The following GRB14 variants were observed in gnomAD, a reference collection of about 807,000 sequenced individuals.
GRB14 encodes the protein growth factor receptor-bound protein 14.
In GRB14, 38 loss-of-function variants were observed where a neutral mutation model predicts 69.1. The observed-to-expected ratio is 0.55, with a 90% confidence interval of 0.42 to 0.72. GRB14 has a LOEUF of 0.72. Among genes scored for constraint, GRB14 ranks in the 30% least tolerant of loss-of-function variants. GRB14 has a pLI of 0.00. For synonymous variants in GRB14, 247 were observed against 241.3 expected (o/e 1.02, Z -0.22); for missense variants, 666 against 666.1 (o/e 1.00, Z 0.00).
rs192460493 is a variant in GRB14 at position 164,553,207 on chromosome 2, A to T, written c.325-5391T>A. ...CTGAAGGCTAAACCAATTTTTTTTA[A>T]AAAAGGGCTAGAAAAGAGCAAGAGG... On this transcript the variant is annotated intron_variant, in intron 2 of 13. Transcript: ENST00000263915. 1.4e-3 allele frequency among the ~76,000 whole-genome samples: 218 copies of T among 152,116 alleles called. 5 individuals are homozygous for T. The East Asian group carries it at 0.033, about 23-fold the overall frequency.
chr2:164,618,208 G>C (rs1211339389), intron 2 of GRB14, among the ~76,000 whole-genome samples: 1 of 151,734 alleles, frequency 6.6e-6, no homozygotes, highest in African/African-American at 2.4e-5. Context: ...TTCGTGATCT[G>C]CCCGCCTCAG....
At chr2:164,524,816 T>TA (rs1048326333) in intron 5 of GRB14, among the ~76,000 whole-genome samples, 188 bp downstream of exon 5, 1 of 152,040 alleles carries the variant, frequency 6.6e-6, no homozygotes, top group African/African-American at 2.4e-5. Flanking sequence ...AGAATATTGT[T>TA]AAAGAGCTTT....
chr2:164,522,610 G>A (rs954117503), intron 5 of GRB14, among the ~76,000 whole-genome samples: 2 of 152,096 alleles, frequency 1.3e-5, no homozygotes, highest in Non-Finnish European at 2.9e-5. Flanking sequence ...CCACAATCCT[G>A]ACTTCAATTG....
chr2:164,578,491 C>CA (rs1457069608), intron 2 of GRB14, among the ~76,000 whole-genome samples: 1 of 144,870 alleles, frequency 6.9e-6, no homozygotes, highest in Non-Finnish European at 1.5e-5. Context: ...GAAAAATGAA[C>CA]AAAAAAAAGG....
chr2:164,529,528 G>T (rs183869855), intron 3 of GRB14, among the ~76,000 whole-genome samples: 1 of 151,740 alleles, frequency 6.6e-6, no homozygotes, highest in African/African-American at 2.4e-5. Flanking sequence ...ACCACATTCC[G>T]TCAAAAAAAG....
intron 6 of GRB14, among the ~76,000 whole-genome samples, chr2:164,520,330 T>C (rs770860188): frequency 2.0e-4 from 30 of 152,060 alleles, no homozygotes; most frequent in Admixed American, 6.6e-4. Flanking sequence ...TGGATCCTTA[T>C]CTCTGACCTT....
chr2:164,612,826 T>C (rs1397858289), intron 2 of GRB14, among the ~76,000 whole-genome samples: 1 of 152,154 alleles, frequency 6.6e-6, no homozygotes, highest in African/African-American at 2.4e-5. Context: ...AAAACCCATA[T>C]TGTAGATAAA....
chr2:164,521,249 G>A (rs1343492121), intron 6 of GRB14, among the ~76,000 whole-genome samples: 3 of 152,088 alleles, frequency 2.0e-5, no homozygotes, highest in African/African-American at 4.8e-5. Context: ...ATTATCCTAC[G>A]CGAAGTAACT....
chr2:164,598,804 G>A (rs1377732354), intron 2 of GRB14, among the ~76,000 whole-genome samples: 2 of 152,094 alleles, frequency 1.3e-5, no homozygotes, highest in Non-Finnish European at 2.9e-5. Flanking sequence ...CCTATAAATG[G>A]ATGTGGTTAA....
At chr2:164,518,777 G>C (rs1252911448) in intron 6 of GRB14, among the ~76,000 whole-genome samples, 1 of 151,846 alleles carries the variant, frequency 6.6e-6, no homozygotes, top group South Asian at 2.1e-4. Context: ...TAGAGAACAT[G>C]GATAAATTTC....
chr2:164,580,391 C>T (rs1419494548), intron 2 of GRB14, among the ~76,000 whole-genome samples: 1 of 151,412 alleles, frequency 6.6e-6, no homozygotes. Flanking sequence ...CCATGCCCAG[C>T]CTTATGATAC....
At position 164,493,170 on chromosome 2, in the gene GRB14, C is replaced by G; in HGVS notation, c.1489G>C (p.Gly497Arg). 1 of 1,612,000 alleles carries G rather than the reference C, an allele frequency of 6.2e-7. No individual in the cohort carries two copies. The highest frequency in any genetic ancestry group is 8.5e-7 in the Non-Finnish European group (1 of 1,179,018). Residue 497 changes from glycine (G) to arginine (R), a missense_variant, in exon 14 of 14, where the codon GGT becomes CGT. Physicochemically the swap from Gly to Arg is moderately radical, Grantham distance 125 (BLOSUM62 -2). Coordinates refer to ENST00000263915, the MANE Select transcript of GRB14 (RefSeq NM_004490.3). The part of the protein sequence containing the change: ...HFQIIPVEDD[G>R]EMFHTLDDGH... ...TCATCCAGTGTGTGGAACATTTCAC[C>G]GTCATCTTCTACCTGCAAAAAGAAA...
intron 2 of GRB14, among the ~76,000 whole-genome samples, chr2:164,605,614 C>A (rs911595682): frequency 6.6e-6 from 1 of 152,106 alleles, no homozygotes; most frequent in Non-Finnish European, 1.5e-5. Context: ...GAAAGTATTT[C>A]AAGAAGGAAA....
At chr2:164,557,100 C>A (rs917019275) in intron 2 of GRB14, among the ~76,000 whole-genome samples, 3 of 152,058 alleles carry the variant, frequency 2.0e-5, no homozygotes, top group Non-Finnish European at 4.4e-5. Context: ...ATCTGGGATT[C>A]TGAAAGAATA....
chr2:164,604,870 T>C (rs918646385), intron 2 of GRB14, among the ~76,000 whole-genome samples: 1 of 152,040 alleles, frequency 6.6e-6, no homozygotes, highest in African/African-American at 2.4e-5. Context: ...GAGAAGAGAA[T>C]GGAGAATGTC....
intron 2 of GRB14, among the ~76,000 whole-genome samples, chr2:164,603,412 C>T (rs962950393): frequency 6.6e-6 from 1 of 152,040 alleles, no homozygotes; most frequent in Admixed American, 6.5e-5. Flanking sequence ...ACCAGTAATC[C>T]TAGCACTTTA....
intron 2 of GRB14, among the ~76,000 whole-genome samples, chr2:164,592,377 G>A (rs558795394): frequency 6.6e-6 from 1 of 152,166 alleles, no homozygotes; most frequent in Non-Finnish European, 1.5e-5. Flanking sequence ...CTTGTGATCC[G>A]CCTGCCTCAA....
chr2:164,618,228 G>A lies in GRB14; in HGVS notation c.324+1459C>T, dbSNP rs1487118616. Reference sequence around the variant, plus strand: ...GATCTGCCCGCCTCAGCCTCCCAAAGTGCTGGGATTACTGGGATTACAGGC... The same window carrying A: ...GATCTGCCCGCCTCAGCCTCCCAAAATGCTGGGATTACTGGGATTACAGGC... On this transcript the variant is annotated intron_variant, in intron 2 of 13. Coordinates refer to ENST00000263915, the MANE Select transcript of GRB14 (RefSeq NM_004490.3). 2.0e-5 allele frequency among the ~76,000 whole-genome samples: 3 copies of A among 151,362 alleles called. No individual in the cohort carries two copies. The East Asian group carries it at 5.8e-4, about 29-fold the overall frequency.
Position 164,609,299 on chromosome 2 carries a change from C to T in GRB14, c.324+10388G>A, listed in dbSNP as rs556918747. On this transcript the variant is annotated intron_variant, in intron 2 of 13. Coordinates refer to ENST00000263915, the MANE Select transcript of GRB14 (RefSeq NM_004490.3). Reference sequence around the variant, plus strand: ...TTCCTAGACAGCCCAGCACCTGTGCCCTAATTCTGAACAATTCTGTAGGGC... The same window carrying T: ...TTCCTAGACAGCCCAGCACCTGTGCTCTAATTCTGAACAATTCTGTAGGGC... Among the ~76,000 whole-genome samples the T allele has an allele frequency of 3.3e-5, 5 of 152,280 alleles. No homozygotes were observed. In the South Asian group the frequency reaches 8.3e-4, roughly 25 times the overall value.
Sources: allele counts gnomAD v4.1 joint callset (sites outside exome capture counted in the v4.1 genomes callset), GRCh38; gene constraint gnomAD v4.1.1; transcripts MANE v1.5; gene names NCBI Gene and HGNC (gene_info 2026-07-23, HGNC 2026-07-21).